DPYD: variants seen among roughly 807,000 people sequenced by gnomAD.
DPYD encodes the protein dihydropyrimidine dehydrogenase [NADP(+)].
A neutral mutation model predicts 116.2 loss-of-function variants in DPYD; 109 were observed. The ratio of observed to expected loss-of-function variants is 0.94; its 90% CI spans 0.80 to 1.10. The LOEUF (loss-of-function observed/expected upper bound fraction) is 1.10, where lower values mean the gene tolerates loss of function less well. DPYD is among the 50% of genes least tolerant of loss of function. DPYD has a pLI of 0.00. For missense variants in DPYD, 1,302 were observed against 1,254.5 expected, an observed-to-expected ratio of 1.04 and a Z score of -0.57; for synonymous variants, 440 against 432.0, an observed-to-expected ratio of 1.02 and a Z score of -0.23.
intron 8 of DPYD, among the ~76,000 whole-genome samples, chr1:97,632,382 T>C (rs1657317560): frequency 6.6e-6 from 1 of 152,148 alleles, no homozygotes. Flanking sequence ...ATTCTACTGC[T>C]TAAGTAAACA....
At chr1:97,553,522 T>C (rs138241587) in intron 11 of DPYD, among the ~76,000 whole-genome samples, 1 of 152,154 alleles carries the variant, frequency 6.6e-6, no homozygotes, top group East Asian at 1.9e-4. Flanking sequence ...CAGAAGCAAA[T>C]CTTCTGTTCT....
chr1:97,503,187 G>A (rs1557757368), intron 13 of DPYD, among the ~76,000 whole-genome samples: 2 of 151,756 alleles, frequency 1.3e-5, no homozygotes, highest in Non-Finnish European at 2.9e-5. Context: ...ATTTACCTGT[G>A]GATCTCTGTT....
intron 16 of DPYD, among the ~76,000 whole-genome samples, chr1:97,353,005 C>A (rs1209581896): frequency 4.0e-5 from 6 of 151,418 alleles, no homozygotes; most frequent in African/African-American, 1.5e-4. Flanking sequence ...AACAAGGTAA[C>A]AAAAAGGACA....
At chr1:97,315,276 T>C (rs745403130) in intron 16 of DPYD, among the ~76,000 whole-genome samples, 2 of 151,922 alleles carry the variant, frequency 1.3e-5, no homozygotes, top group Non-Finnish European at 2.9e-5. Context: ...GCTTTTAAAC[T>C]GGGGTCATGC....
intron 8 of DPYD, among the ~76,000 whole-genome samples, chr1:97,675,949 A>T (rs977456482): frequency 6.6e-6 from 1 of 151,960 alleles, no homozygotes; most frequent in African/African-American, 2.4e-5. Flanking sequence ...GGGTTTCACC[A>T]TGTTGGCCAG....
At chr1:97,501,203 CTTTTA>C (rs1557756078) in intron 13 of DPYD, among the ~76,000 whole-genome samples, 1 of 152,006 alleles carries the variant, frequency 6.6e-6, no homozygotes. Flanking sequence ...ATAAACTTGT[CTTTTA>C]TTTAATACCA....
intron 16 of DPYD, among the ~76,000 whole-genome samples, chr1:97,308,132 A>G (rs1288602081): frequency 2.0e-5 from 3 of 151,788 alleles, no homozygotes; most frequent in African/African-American, 4.8e-5. Flanking sequence ...TACTCTGAAC[A>G]TCTGTCAGAC....
intron 13 of DPYD, among the ~76,000 whole-genome samples, chr1:97,478,503 G>T (rs6672095): frequency 0.27 from 41,306 of 151,992 alleles, 6,245 homozygotes; most frequent in East Asian, 0.44. Flanking sequence ...GGCCAGGATG[G>T]TCTCGATCTC....
At chr1:97,794,246 T>C (rs1435666289) in intron 3 of DPYD, among the ~76,000 whole-genome samples, 6 of 152,254 alleles carry the variant, frequency 3.9e-5, no homozygotes, top group Non-Finnish European at 1.5e-5. Context: ...CCAAAAGACA[T>C]TCTTAAGAGA....
chr1:97,121,952 T>C (rs1031402881), intron 20 of DPYD, among the ~76,000 whole-genome samples: 3 of 152,204 alleles, frequency 2.0e-5, no homozygotes, highest in Non-Finnish European at 2.9e-5. Flanking sequence ...TAGGGAAGTT[T>C]ACATACATGT....
chr1:97,280,432 G>A (rs1254287335), intron 18 of DPYD, among the ~76,000 whole-genome samples: 1 of 152,088 alleles, frequency 6.6e-6, no homozygotes, highest in Non-Finnish European at 1.5e-5. Flanking sequence ...ATGCTGAAGA[G>A]ATATCTGTGC....
At chr1:97,536,494 GAA>G (rs1650008017) in intron 12 of DPYD, among the ~76,000 whole-genome samples, 5 of 152,326 alleles carry the variant, frequency 3.3e-5, no homozygotes, top group Non-Finnish European at 7.4e-5. Context: ...TAGAGAAGAA[GAA>G]GTCAGCTCTG....
chr1:97,128,408 C>T (rs1217424247), intron 20 of DPYD, among the ~76,000 whole-genome samples: 1 of 152,066 alleles, frequency 6.6e-6, no homozygotes, highest in Non-Finnish European at 1.5e-5. Context: ...ATGACTTATA[C>T]AAACAAACAA....
intron 18 of DPYD, among the ~76,000 whole-genome samples, chr1:97,304,334 G>A (rs1667035792): frequency 6.6e-6 from 1 of 152,002 alleles, no homozygotes; most frequent in African/African-American, 2.4e-5. Context: ...TCTGGAGCCT[G>A]AGCAGGTGCT....
intron 1 of DPYD, among the ~76,000 whole-genome samples, chr1:97,915,273 C>G (rs990104988): frequency 1.1e-4 from 16 of 152,004 alleles, no homozygotes; most frequent in African/African-American, 3.9e-4. Context: ...TTGTACTAAC[C>G]ATGAAAGGAA....
rs12064659 is a variant in DPYD at position 97,559,519 on chromosome 1, G to T, written c.1340-9775C>A. 6.6e-3 allele frequency among the ~76,000 whole-genome samples: 1,008 copies of T among 152,232 alleles called. 13 individuals carry two copies. The highest frequency in any genetic ancestry group is 0.023 in the African/African-American group (954 of 41,556). On this transcript the variant is annotated intron_variant, in intron 11 of 22. Coordinates refer to ENST00000370192, the MANE Select transcript of DPYD (RefSeq NM_000110.4). ...TAAATAGCAGAAATGCTCATTAGCT[G>T]CAGTATATCTGTGAAGCTTCAGTAA...
At chr1:97,904,015 A>G (rs1018844627) in intron 1 of DPYD, among the ~76,000 whole-genome samples, 1 of 151,858 alleles carries the variant, frequency 6.6e-6, no homozygotes, top group Admixed American at 6.6e-5. Context: ...CCAACTCCCT[A>G]TTCTTAGGGA....
chr1:97,528,758 T>A (rs187531456), intron 12 of DPYD, among the ~76,000 whole-genome samples: 42 of 152,294 alleles, frequency 2.8e-4, no homozygotes, highest in African/African-American at 7.7e-4. Context: ...TTTGACTCCA[T>A]TCTCTTTGCC....
chr1:97,298,952 G>A (rs1160590238), intron 18 of DPYD, among the ~76,000 whole-genome samples: 1 of 152,048 alleles, frequency 6.6e-6, no homozygotes, highest in African/African-American at 2.4e-5. Flanking sequence ...TTAAGGGTCT[G>A]GCCTTTAGAA....
Sources: allele counts gnomAD v4.1 joint callset (sites outside exome capture counted in the v4.1 genomes callset), GRCh38; gene constraint gnomAD v4.1.1; transcripts MANE v1.5; gene names NCBI Gene and HGNC (gene_info 2026-07-23, HGNC 2026-07-21).